TSNARE1: variants seen among roughly 807,000 people sequenced by gnomAD.
The protein encoded by TSNARE1 is t-SNARE domain-containing protein 1.
In TSNARE1, 49 loss-of-function variants were observed where a neutral mutation model predicts 62.0. The observed-to-expected ratio is 0.79, with a 90% confidence interval of 0.63 to 1.00. TSNARE1 has a LOEUF of 1.00. TSNARE1 is among the 50% of genes least tolerant of loss of function. The pLI is 0.00. For missense variants in TSNARE1, 755 were observed against 700.1 expected, an observed-to-expected ratio of 1.08 and a Z score of -0.88; for synonymous variants, 328 against 294.4, an observed-to-expected ratio of 1.11 and a Z score of -1.17.
intron 4 of TSNARE1, among the ~76,000 whole-genome samples, chr8:142,336,230 T>C (rs975915356): frequency 6.8e-6 from 1 of 147,448 alleles, no homozygotes; most frequent in African/African-American, 2.5e-5. Flanking sequence ...GCAGTGAGCC[T>C]TGATCACACC....
chr8:142,300,972 C>T (rs1825647296), intron 9 of TSNARE1, among the ~76,000 whole-genome samples: 1 of 151,180 alleles, frequency 6.6e-6, no homozygotes, highest in Non-Finnish European at 1.5e-5. Flanking sequence ...AGGAAGGGTC[C>T]ATGCTGCGGC....
At chr8:142,222,471 TCCACTCAC>T (rs1816372343) in intron 13 of TSNARE1, among the ~76,000 whole-genome samples, 1 of 22,818 alleles carries the variant, frequency 4.4e-5, no homozygotes, top group Non-Finnish European at 8.8e-5. Context: ...CATCCACTCA[TCCACTCAC>T]TCACTCACTC....
chr8:142,311,289 A>G lies in TSNARE1; in HGVS notation c.1131+3095T>C, dbSNP rs867139440. Among the ~76,000 whole-genome samples the G allele has an allele frequency of 3.3e-3, 224 of 68,802 alleles. No homozygotes were observed. In the Middle Eastern group the frequency reaches 0.07, roughly 21 times the overall value. 45.1% of individuals were successfully genotyped at this position (68,802 alleles called of 152,430 possible). The stretch of plus-strand genomic sequence containing the variant: ...GCGATTCTCCTGCCTCAGCCTCTCT[A>G]GTTTTTTTTTTTTTTTTTTTTTTTT... On this transcript the variant is annotated intron_variant, in intron 9 of 13. Coordinates refer to ENST00000524325, the MANE Select transcript of TSNARE1 (RefSeq NM_145003.5).
chr8:142,391,405 T>G (rs953323117), intron 1 of TSNARE1, among the ~76,000 whole-genome samples: 3 of 148,490 alleles, frequency 2.0e-5, no homozygotes, highest in East Asian at 4.0e-4. Flanking sequence ...TGTACACTGC[T>G]GGGGACTCTG....
intron 13 of TSNARE1, among the ~76,000 whole-genome samples, chr8:142,222,900 TTACTCATC>T (rs1176891330): frequency 2.7e-4 from 19 of 71,428 alleles, no homozygotes; most frequent in Admixed American, 6.7e-4. Flanking sequence ...ACTCATTCAC[TTACTCATC>T]CACTCATTCA....
At chr8:142,312,590 T>G (rs1291314580) in intron 9 of TSNARE1, among the ~76,000 whole-genome samples, 1 of 152,194 alleles carries the variant, frequency 6.6e-6, no homozygotes, top group African/African-American at 2.4e-5. Flanking sequence ...TTTCGTCTTC[T>G]TAGTACTCTG....
At chr8:142,334,581 C>T (rs1050565056) in intron 4 of TSNARE1, among the ~76,000 whole-genome samples, 2 of 152,094 alleles carry the variant, frequency 1.3e-5, no homozygotes, top group South Asian at 2.1e-4. Context: ...ACTATAAACT[C>T]GGAGATTCAA....
chr8:142,250,387 GGCATAATCCCTGCTTCT>G (rs1818103435), intron 12 of TSNARE1, among the ~76,000 whole-genome samples: 1 of 152,096 alleles, frequency 6.6e-6, no homozygotes. Flanking sequence ...TGGGTGCCAA[GGCATAATCCCTGCTTCT>G]GCATAATCCC....
Position 142,354,744 on chromosome 8 carries a change from C to T in TSNARE1, c.-20G>A, listed in dbSNP as rs375262120. 2.9e-5 allele frequency: 46 copies of T among 1,591,070 alleles called. No homozygotes were observed. Among genetic ancestry groups the T allele is most frequent in the Non-Finnish European group, 3.4e-5 (40 of 1,160,028 alleles). On this transcript the variant is annotated 5_prime_UTR_variant, in exon 2 of 14. Coordinates refer to ENST00000524325, the MANE Select transcript of TSNARE1 (RefSeq NM_145003.5). ...TGACATCTTCTTACAGATGGCAGGG[C>T]CAGCAGCCTCCACACTGAGCTGGAG...
intron 9 of TSNARE1, among the ~76,000 whole-genome samples, chr8:142,313,462 TC>T (rs1210105365): frequency 3.9e-5 from 6 of 152,188 alleles, no homozygotes; most frequent in Non-Finnish European, 7.3e-5. Context: ...TCTGCATGTG[TC>T]TGCATGTCTG....
chr8:142,225,263 C>T (rs562644737), intron 13 of TSNARE1, among the ~76,000 whole-genome samples: 59 of 152,062 alleles, frequency 3.9e-4, no homozygotes, highest in African/African-American at 1.4e-3. Flanking sequence ...GAATCTCCAG[C>T]GAGACCCCAG....
intron 1 of TSNARE1, among the ~76,000 whole-genome samples, chr8:142,375,006 G>A (rs371607159): frequency 1.3e-5 from 2 of 152,210 alleles, no homozygotes; most frequent in African/African-American, 4.8e-5. Context: ...GAGGAGACAG[G>A]CTTGCTGGAA....
rs115409973 is a variant in TSNARE1, at chr8:142,344,523, A to G, written c.239-51T>C. On this transcript the variant is annotated intron_variant, in intron 3 of 13. Transcript: ENST00000524325. ...TTTAAGGCCCTGGGCCTGTGGAGGC[A>G]GCGGCCCCGGCGGCAGCTCCCTACG... The G allele has an allele frequency of 1.1e-3, 1,624 of 1,435,508 alleles. 15 individuals carry two copies. In the African/African-American group the frequency reaches 0.021, roughly 18 times the overall value. 88.9% of individuals were successfully genotyped at this position (1,435,508 alleles called of 1,614,324 possible).
At chr8:142,333,926 G>A (rs889261429) in intron 4 of TSNARE1, among the ~76,000 whole-genome samples, 11 of 152,212 alleles carry the variant, frequency 7.2e-5, no homozygotes, top group Admixed American at 7.2e-4. Context: ...GCCCAGCCTA[G>A]CAAGGTCAAG....
rs1488234461 is a variant in TSNARE1 at position 142,274,761 on chromosome 8, T to C, written c.1446+20A>G. 1.3e-6 allele frequency: 2 copies of C among 1,526,298 alleles called. No homozygotes were observed. Among genetic ancestry groups the C allele is most frequent in the Middle Eastern group, 1.7e-4 (1 of 5,816 alleles). 94.5% of individuals were successfully genotyped at this position (1,526,298 alleles called of 1,614,324 possible). Reference sequence around the variant, plus strand: ...CGGAGGCCGGGCCGGCCGGGCACTGTGGCCCTCACACGGACTTACTTGGTG... The same window carrying C: ...CGGAGGCCGGGCCGGCCGGGCACTGCGGCCCTCACACGGACTTACTTGGTG... On this transcript the variant is annotated intron_variant, in intron 12 of 13. Coordinates refer to ENST00000524325, the MANE Select transcript of TSNARE1 (RefSeq NM_145003.5).
At chr8:142,297,005 C>T (rs548497103) in intron 10 of TSNARE1, among the ~76,000 whole-genome samples, 10 of 152,328 alleles carry the variant, frequency 6.6e-5, no homozygotes, top group South Asian at 2.1e-4. Context: ...ACTCTGCCTA[C>T]GGCCACACGG....
At chr8:142,361,034 C>T (rs568571791) in intron 1 of TSNARE1, among the ~76,000 whole-genome samples, 30 of 152,350 alleles carry the variant, frequency 2.0e-4, no homozygotes, top group African/African-American at 6.7e-4. Context: ...CAGAACAGCT[C>T]CAGCCCCTCA....
intron 13 of TSNARE1, among the ~76,000 whole-genome samples, chr8:142,219,850 C>T (rs922048257): frequency 6.6e-6 from 1 of 152,244 alleles, no homozygotes; most frequent in African/African-American, 2.4e-5. Context: ...CTGCCCAGGA[C>T]AACCCATGGG....
intron 12 of TSNARE1, among the ~76,000 whole-genome samples, chr8:142,266,722 G>C (rs1819152781): frequency 6.6e-6 from 1 of 152,150 alleles, no homozygotes; most frequent in Admixed American, 6.5e-5. Flanking sequence ...CGTGCTTCCT[G>C]TGTCTGTGGA....
Sources: gnomAD v4.1 joint callset for allele counts (sites outside exome capture counted in the v4.1 genomes callset) on GRCh38, gnomAD v4.1.1 for gene constraint, MANE v1.5 for transcripts, NCBI Gene and HGNC (gene_info 2026-07-23, HGNC 2026-07-21) for gene names.